LRRC20: variants seen among roughly 807,000 people sequenced by gnomAD.
The protein encoded by LRRC20 is leucine-rich repeat-containing protein 20.
Under a neutral mutation model 14.4 loss-of-function variants are expected in LRRC20, and 11 were observed. The ratio of observed to expected loss-of-function variants is 0.77; its 90% CI spans 0.48 to 1.27. LRRC20 has a LOEUF of 1.27. LRRC20 is among the 50% of genes most tolerant of loss of function. The probability of loss-of-function intolerance (pLI) is 0.00; values close to 1 mark genes in which losing one functional copy is unlikely to be tolerated. For synonymous variants in LRRC20, 121 were observed against 107.3 expected, an observed-to-expected ratio of 1.13 and a Z score of -0.79; for missense variants, 219 against 251.2, an observed-to-expected ratio of 0.87 and a Z score of 0.87.
Position 70,299,831 on chromosome 10 carries a change from CAG to C in LRRC20, c.*1521_*1522del, listed in dbSNP as rs1458562964. ...GGCCTTGGGATACGAGCAGAATGAA[CAG>C]AGTCTCTTGAGATACTGAGCGCTCA... On this transcript the variant is annotated 3_prime_UTR_variant, in exon 5 of 5. Transcript: ENST00000446961. 2 of 152,348 alleles carry C rather than the reference CAG, an allele frequency of 1.3e-5. No homozygotes were observed. The highest frequency in any genetic ancestry group is 1.9e-4 in the East Asian group (1 of 5,182). The allele number at this position is 152,348 out of a possible 1,614,324, so 9.4% of individuals were successfully genotyped here. A position where few individuals can be genotyped will look rare whatever the true frequency, so the allele number is the denominator to read the frequency against.
chr10:70,306,517 G>A (rs1473070878), intron 4 of LRRC20, among the ~76,000 whole-genome samples: 1 of 152,146 alleles, frequency 6.6e-6, no homozygotes, highest in Non-Finnish European at 1.5e-5. Context: ...ATTCAACCGA[G>A]ACTTCGCATC....
intron 2 of LRRC20, among the ~76,000 whole-genome samples, chr10:70,347,834 C>A (rs74683320): frequency 0.014 from 1,937 of 134,982 alleles, 51 homozygotes; most frequent in African/African-American, 0.047. Context: ...AAAAAAAAAA[C>A]CCAAAAAACA....
chr10:70,339,935 A>G (rs1013463174), intron 3 of LRRC20, among the ~76,000 whole-genome samples: 1 of 152,042 alleles, frequency 6.6e-6, no homozygotes, highest in African/African-American at 2.4e-5. Context: ...AGCTTGGCCA[A>G]CATGGTAAAA....
At chr10:70,333,928 T>A (rs980218416) in intron 3 of LRRC20, among the ~76,000 whole-genome samples, 1 of 152,148 alleles carries the variant, frequency 6.6e-6, no homozygotes, top group African/African-American at 2.4e-5. Flanking sequence ...GATGGGTGGA[T>A]CATCTGAGGC....
At chr10:70,318,136 C>CT (rs2136925164) in intron 4 of LRRC20, among the ~76,000 whole-genome samples, 1 of 152,320 alleles carries the variant, frequency 6.6e-6, no homozygotes, top group Admixed American at 6.5e-5. Flanking sequence ...AATGCCCATG[C>CT]TGCCAGCCTA....
In LRRC20 at chr10:70,300,569, G is replaced by C; in HGVS notation, c.*785C>G. 3.0e-6 allele frequency: 3 copies of C among 985,524 alleles called. No homozygotes were observed. The highest frequency in any genetic ancestry group is 3.6e-6 in the Non-Finnish European group (3 of 830,020). 61.0% of individuals were successfully genotyped at this position (985,524 alleles called of 1,614,324 possible). On this transcript the variant is annotated 3_prime_UTR_variant, in exon 5 of 5. Coordinates refer to ENST00000446961, the MANE Select transcript of LRRC20 (RefSeq NM_001278212.2). ...AGCTGCAGGTGTAACTGACTCTGCTGTTCTCTGGGCCACCTCTCCCGCAGC... is the reference window on the plus strand; with the variant it reads ...AGCTGCAGGTGTAACTGACTCTGCTCTTCTCTGGGCCACCTCTCCCGCAGC...
chr10:70,366,553 A>G (rs1045564268), intron 2 of LRRC20, among the ~76,000 whole-genome samples: 18 of 152,226 alleles, frequency 1.2e-4, no homozygotes, highest in African/African-American at 4.1e-4. Flanking sequence ...TCAAACTACA[A>G]TGAGATACAT....
At position 70,300,999 on chromosome 10, in the gene LRRC20, G is replaced by A; in HGVS notation, c.*355C>T. The A allele has an allele frequency of 9.7e-7, 1 of 1,034,484 alleles. No individual in the cohort carries two copies. Among genetic ancestry groups the A allele is most frequent in the Non-Finnish European group, 1.2e-6 (1 of 862,696 alleles). The allele number at this position is 1,034,484 out of a possible 1,614,324, so 64.1% of individuals were successfully genotyped here. A position where few individuals can be genotyped will look rare whatever the true frequency, so the allele number is the denominator to read the frequency against. Reference sequence around the variant, plus strand: ...GCCCACCTGTGCCTGCTGATCTGGAGGTAACTTGGAGGCACGTACTGCTTA... The same window carrying A: ...GCCCACCTGTGCCTGCTGATCTGGAAGTAACTTGGAGGCACGTACTGCTTA... On this transcript the variant is annotated 3_prime_UTR_variant, in exon 5 of 5. Transcript: ENST00000446961.
rs1230343806 is a variant in LRRC20, at chr10:70,301,302, G to A, written c.*52C>T. On this transcript the variant is annotated 3_prime_UTR_variant, in exon 5 of 5. Transcript: ENST00000446961. ...CCCATGGGCCTCCCTCCCTTCCAGGGTTCCAGGCCTGTGGCCTCTGCCCCT... is the reference window on the plus strand; with the variant it reads ...CCCATGGGCCTCCCTCCCTTCCAGGATTCCAGGCCTGTGGCCTCTGCCCCT... 12 of 1,578,030 alleles carry A rather than the reference G, an allele frequency of 7.6e-6. No individual in the cohort carries two copies. Among genetic ancestry groups the A allele is most frequent in the Non-Finnish European group, 1.0e-5 (12 of 1,163,034 alleles).
intron 2 of LRRC20, among the ~76,000 whole-genome samples, chr10:70,346,017 T>A (rs11818371): frequency 6.6e-6 from 1 of 152,000 alleles, no homozygotes; most frequent in Admixed American, 6.6e-5. Flanking sequence ...TCCCATCATT[T>A]TGAGGGGCCG....
intron 3 of LRRC20, among the ~76,000 whole-genome samples, chr10:70,335,357 T>G (rs1842691690): frequency 6.6e-6 from 1 of 152,180 alleles, no homozygotes; most frequent in African/African-American, 2.4e-5. Flanking sequence ...GGCCCCAGGC[T>G]GGCCGACTGG....
chr10:70,318,468 C>T (rs986002655), intron 4 of LRRC20, among the ~76,000 whole-genome samples: 6 of 152,132 alleles, frequency 3.9e-5, no homozygotes, highest in African/African-American at 1.2e-4. Flanking sequence ...TTAAAAGTGC[C>T]GCTAGCCAGG....
intron 3 of LRRC20, among the ~76,000 whole-genome samples, chr10:70,337,856 A>T (rs2137007306): frequency 6.6e-6 from 1 of 152,190 alleles, no homozygotes; most frequent in East Asian, 1.9e-4. Context: ...GGTCTGGGAG[A>T]CGCAGGTGTT....
intron 4 of LRRC20, among the ~76,000 whole-genome samples, chr10:70,310,939 C>T (rs984459580): frequency 1.1e-4 from 17 of 152,202 alleles, no homozygotes; most frequent in Admixed American, 5.2e-4. Context: ...AAAATCATCA[C>T]GTCCCATCAC....
At chr10:70,352,585 T>C (rs1047621063) in intron 2 of LRRC20, among the ~76,000 whole-genome samples, 3 of 152,166 alleles carry the variant, frequency 2.0e-5, no homozygotes, top group African/African-American at 7.2e-5. Context: ...TGGGTAACAA[T>C]GATGCACCAA....
At chr10:70,315,086 A>T (rs1841806636) in intron 4 of LRRC20, among the ~76,000 whole-genome samples, 1 of 152,192 alleles carries the variant, frequency 6.6e-6, no homozygotes, top group East Asian at 1.9e-4. Context: ...GAGGAGAATA[A>T]CAGTATCTGC....
chr10:70,302,951 C>T (rs1379464599), intron 4 of LRRC20, among the ~76,000 whole-genome samples: 6 of 151,904 alleles, frequency 3.9e-5, no homozygotes. Context: ...ACCTCGTGAT[C>T]CGCCCGTCTC....
chr10:70,360,067 C>T (rs766008225), intron 2 of LRRC20, among the ~76,000 whole-genome samples: 7 of 152,004 alleles, frequency 4.6e-5, no homozygotes, highest in Non-Finnish European at 1.0e-4. Flanking sequence ...AGGTGCCCAC[C>T]ACCACACCCG....
intron 2 of LRRC20, among the ~76,000 whole-genome samples, chr10:70,355,778 G>T (rs1386949010): frequency 6.6e-6 from 1 of 152,220 alleles, no homozygotes; most frequent in African/African-American, 2.4e-5. Flanking sequence ...GATCAGTGGA[G>T]ATGGGTGTTG....
Sources: allele counts gnomAD v4.1 joint callset (sites outside exome capture counted in the v4.1 genomes callset), GRCh38; gene constraint gnomAD v4.1.1; transcripts MANE v1.5; gene names NCBI Gene and HGNC (gene_info 2026-07-23, HGNC 2026-07-21).